Variants in GPM6A observed in about 807,000 individuals in gnomAD.
GPM6A encodes glycoprotein M6A.
GPM6A carries 7 observed loss-of-function variants against 32.1 expected under a neutral mutation model. The observed-to-expected ratio is 0.22, with a 90% confidence interval of 0.12 to 0.41. The LOEUF (loss-of-function observed/expected upper bound fraction) is 0.41. Among genes scored for constraint, GPM6A ranks in the 10% least tolerant of loss-of-function variants. The probability of loss-of-function intolerance (pLI) is 1.00; values close to 1 mark genes in which losing one functional copy is unlikely to be tolerated. For synonymous variants in GPM6A, 130 were observed against 123.4 expected, an observed-to-expected ratio of 1.05 and a Z score of -0.35; for missense variants, 235 against 347.2, an observed-to-expected ratio of 0.68 and a Z score of 2.57.
chr4:175,670,509 G>T (rs1233386057), intron 3 of GPM6A, among the ~76,000 whole-genome samples: 3 of 151,976 alleles, frequency 2.0e-5, no homozygotes, highest in Non-Finnish European at 4.4e-5. Flanking sequence ...AACTTAAAAA[G>T]GTCATGTTCA....
At chr4:175,871,651 C>T (rs1007237172) in intron 1 of GPM6A, among the ~76,000 whole-genome samples, 5 of 152,240 alleles carry the variant, frequency 3.3e-5, no homozygotes, top group Admixed American at 2.0e-4. Context: ...ACCAACACAA[C>T]ATTTTTGGCT....
At chr4:175,969,506 C>T (rs1320175550) in intron 1 of GPM6A, among the ~76,000 whole-genome samples, 2 of 152,010 alleles carry the variant, frequency 1.3e-5, no homozygotes, top group Middle Eastern at 3.2e-3. Flanking sequence ...GTCAGGAGTT[C>T]GAAGCCAGCC....
upstream of GPM6A, among the ~76,000 whole-genome samples, chr4:175,816,944 C>G (rs545260397): frequency 1.3e-5 from 2 of 152,164 alleles, no homozygotes; most frequent in East Asian, 3.9e-4. Flanking sequence ...ACTGCAAGCT[C>G]CGCCTCCCGG....
intron 6 of GPM6A, among the ~76,000 whole-genome samples, chr4:175,637,885 T>TTATATATATATATAATATTTATATATTA (rs1560843378): frequency 5.5e-4 from 68 of 122,860 alleles, no homozygotes; most frequent in African/African-American, 2.0e-3. Context: ...TATTTATATA[T>TTATATATATATATAATATTTATATATTA]TATATATATA....
At chr4:175,970,859 TC>T (rs1740478642) in intron 1 of GPM6A, 1 of 455,902 alleles carries the variant, frequency 2.2e-6, no homozygotes, top group Non-Finnish European at 4.4e-6. Context: ...GATTGTTAGA[TC>T]CACTGCTCTT....
At chr4:175,855,598 G>A (rs772864778) in intron 1 of GPM6A, among the ~76,000 whole-genome samples, 3 of 152,102 alleles carry the variant, frequency 2.0e-5, no homozygotes, top group Non-Finnish European at 4.4e-5. Context: ...CTGGGGTAGA[G>A]GATAACAATT....
chr4:175,724,526 C>A (rs149855654), intron 1 of GPM6A, among the ~76,000 whole-genome samples: 1 of 152,084 alleles, frequency 6.6e-6, no homozygotes, highest in African/African-American at 2.4e-5. Flanking sequence ...GCCTGGAGGA[C>A]AGAGTGAGAT....
chr4:175,729,836 T>C (rs1731338991), intron 1 of GPM6A, among the ~76,000 whole-genome samples: 1 of 147,050 alleles, frequency 6.8e-6, no homozygotes, highest in African/African-American at 2.5e-5. Flanking sequence ...TTAATAATTA[T>C]TTATGTATTT....
intron 1 of GPM6A, among the ~76,000 whole-genome samples, chr4:175,888,571 C>G (rs1737536354): frequency 6.6e-6 from 1 of 151,964 alleles, no homozygotes; most frequent in South Asian, 2.1e-4. Context: ...AATATAAGAT[C>G]AATATATGAA....
At chr4:175,965,845 C>A (rs1349347177) in intron 1 of GPM6A, among the ~76,000 whole-genome samples, 1 of 152,066 alleles carries the variant, frequency 6.6e-6, no homozygotes, top group African/African-American at 2.4e-5. Flanking sequence ...AACTCCTGAC[C>A]TTGTGATCTG....
chr4:175,994,778 T>G lies in GPM6A; in HGVS notation c.-23+7531A>C, dbSNP rs191401898. 3.2e-4 allele frequency among the ~76,000 whole-genome samples: 48 copies of G among 152,352 alleles called. 1 individual carries two copies. Among genetic ancestry groups the G allele is most frequent in the Admixed American group, 3.1e-3 (48 of 15,298 alleles). ...CTGCATCAACTGACTCTTCCTTTCA[T>G]GAAAGATTTCTCTGTAGCATGTGAT... On this transcript the variant is annotated intron_variant, in intron 1 of 7. Coordinates refer to the GPM6A transcript ENST00000280187.
intron 1 of GPM6A, among the ~76,000 whole-genome samples, chr4:175,861,554 C>A (rs1265516139): frequency 6.6e-6 from 1 of 151,492 alleles, no homozygotes; most frequent in Admixed American, 6.6e-5. Context: ...GAGTTTGAGA[C>A]CAGCCTGGGC....
chr4:175,892,693 G>C (rs1579603605), intron 1 of GPM6A, among the ~76,000 whole-genome samples: 1 of 152,178 alleles, frequency 6.6e-6, no homozygotes, highest in South Asian at 2.1e-4. Flanking sequence ...TTCTCACCCT[G>C]TTGACATAAT....
chr4:175,904,376 T>C (rs902777249), intron 1 of GPM6A, among the ~76,000 whole-genome samples: 1 of 152,190 alleles, frequency 6.6e-6, no homozygotes, highest in Non-Finnish European at 1.5e-5. Flanking sequence ...TAAAAGATAT[T>C]TGACTTTGAG....
At chr4:175,708,984 A>G (rs942586379) in intron 1 of GPM6A, among the ~76,000 whole-genome samples, 2 of 152,188 alleles carry the variant, frequency 1.3e-5, no homozygotes, top group African/African-American at 4.8e-5. Flanking sequence ...GGAAGAATTT[A>G]AACTACTGAT....
At chr4:175,693,308 C>A (rs1744399808) in intron 2 of GPM6A, among the ~76,000 whole-genome samples, 1 of 147,360 alleles carries the variant, frequency 6.8e-6, no homozygotes, top group African/African-American at 2.5e-5. Context: ...ATAAAATATA[C>A]ATATATAAGT....
intron 1 of GPM6A, among the ~76,000 whole-genome samples, chr4:175,881,305 C>T (rs1469863593): frequency 6.6e-6 from 1 of 152,180 alleles, no homozygotes; most frequent in Non-Finnish European, 1.5e-5. Flanking sequence ...TATCATCTCA[C>T]ACCAGTTAGA....
chr4:175,987,016 T>C (rs1207480874), intron 1 of GPM6A, among the ~76,000 whole-genome samples: 1 of 152,218 alleles, frequency 6.6e-6, no homozygotes. Flanking sequence ...AGCCTGTCTC[T>C]GAATCCTTTA....
chr4:175,694,108 T>C (rs1011572655), intron 2 of GPM6A, among the ~76,000 whole-genome samples: 11 of 152,204 alleles, frequency 7.2e-5, no homozygotes, highest in African/African-American at 2.4e-4. Context: ...ATGCTTTATG[T>C]ACAGCCTGCA....
Sources: allele counts gnomAD v4.1 joint callset (sites outside exome capture counted in the v4.1 genomes callset), GRCh38; gene constraint gnomAD v4.1.1; transcripts MANE v1.5; gene names NCBI Gene and HGNC (gene_info 2026-07-23, HGNC 2026-07-21).